Variants in TLN2 observed in about 807,000 individuals in gnomAD.
TLN2 encodes the protein talin 2, also known as talin-2.
A neutral mutation model predicts 294.7 loss-of-function variants in TLN2; 118 were observed. The ratio of observed to expected loss-of-function variants is 0.40; its 90% confidence interval spans 0.34 to 0.47. The LOEUF (loss-of-function observed/expected upper bound fraction) is 0.47, where lower values mean the gene tolerates loss of function less well. TLN2 is among the 20% of genes least tolerant of loss of function. The pLI, the probability that TLN2 is intolerant of heterozygous loss-of-function variation, is 0.84. For missense variants in TLN2, 3,083 were observed against 3,282.2 expected (o/e 0.94, Z 1.48); for synonymous variants, 1,431 against 1,304.5 (o/e 1.10, Z -2.09).
At chr15:62,566,202 G>A (rs985802142) in intron 1 of TLN2, among the ~76,000 whole-genome samples, 3 of 152,064 alleles carry the variant, frequency 2.0e-5, no homozygotes, top group African/African-American at 4.8e-5. Flanking sequence ...CTTGGGGTGC[G>A]GGCAAGAGAG....
chr15:62,518,636 C>T (rs1336613841), intron 1 of TLN2, among the ~76,000 whole-genome samples: 2 of 152,022 alleles, frequency 1.3e-5, no homozygotes, highest in Non-Finnish European at 2.9e-5. Flanking sequence ...TTTGCTCTGT[C>T]ACCCAGGCTG....
rs2064406068 is a variant in TLN2, at chr15:62,783,856, G to A, written c.5702G>A (p.Gly1901Asp). Residue 1901 changes from glycine (G) to aspartate (D), a missense_variant, in exon 45 of 59, where the codon GGC becomes GAC. Gly to Asp is a moderately conservative substitution (Grantham distance 94, BLOSUM62 -1). Coordinates refer to ENST00000636159, the MANE Select transcript of TLN2 (RefSeq NM_015059.3). ...TSDYGHLAFQ[G>D]QMAAATAEPE... ...GACTATGGGCACCTGGCTTTCCAGGGCCAGATGGCAGCAGCCACGGCGGAA... is the reference window on the plus strand; with the variant it reads ...GACTATGGGCACCTGGCTTTCCAGGACCAGATGGCAGCAGCCACGGCGGAA... 1 of 1,614,022 alleles carries A rather than the reference G, an allele frequency of 6.2e-7. No homozygotes were observed. Among genetic ancestry groups the A allele is most frequent in the Non-Finnish European group, 8.5e-7 (1 of 1,179,946 alleles).
intron 1 of TLN2, among the ~76,000 whole-genome samples, chr15:62,566,178 A>C (rs1442394064): frequency 1.3e-5 from 2 of 151,982 alleles, no homozygotes; most frequent in Non-Finnish European, 2.9e-5. Context: ...GAACAGGATA[A>C]CTCCTGTTGG....
At chr15:62,831,970 A>G (rs1413028932) in intron 54 of TLN2, 1 of 152,130 alleles carries the variant, frequency 6.6e-6, no homozygotes, top group Non-Finnish European at 1.5e-5. Flanking sequence ...AAAGTGCCTC[A>G]TTTTGGAGTC....
At chr15:62,651,329 C>G (rs551969893) in intron 5 of TLN2, among the ~76,000 whole-genome samples, 1 of 152,230 alleles carries the variant, frequency 6.6e-6, no homozygotes, top group South Asian at 2.1e-4. Flanking sequence ...TTTAAGAAAT[C>G]TTTATGAAAG....
chr15:62,723,502 ACTGTC>A, intron 26 of TLN2, among the ~76,000 whole-genome samples: 1 of 149,488 alleles, frequency 6.7e-6, no homozygotes, highest in South Asian at 2.1e-4. Context: ...CTCAAGCAAG[ACTGTC>A]CATTGGGTAC....
At chr15:62,744,412 T>A (rs1042581265) in intron 32 of TLN2, among the ~76,000 whole-genome samples, 1 of 149,118 alleles carries the variant, frequency 6.7e-6, no homozygotes, top group East Asian at 1.9e-4. Flanking sequence ...TAATTTTTTT[T>A]TTTTTTTTTT....
intron 1 of TLN2, among the ~76,000 whole-genome samples, chr15:62,403,121 C>T (rs1412866390): frequency 6.6e-6 from 1 of 151,862 alleles, no homozygotes; most frequent in Admixed American, 6.6e-5. Flanking sequence ...GCCTGTAGTC[C>T]CAGCTACTCG....
At chr15:62,691,113 GCTT>G (rs1221839254) in intron 12 of TLN2, among the ~76,000 whole-genome samples, 6 of 151,920 alleles carry the variant, frequency 3.9e-5, no homozygotes, top group Non-Finnish European at 7.4e-5. Context: ...AGTTCACTCA[GCTT>G]CTTGAATTTG....
At chr15:62,836,515 CCT>C (rs2069619724) in intron 57 of TLN2, among the ~76,000 whole-genome samples, 3 of 152,204 alleles carry the variant, frequency 2.0e-5, no homozygotes, top group Admixed American at 6.5e-5. Context: ...TTCATCTGTG[CCT>C]CTCTCATACG....
At chr15:62,647,162 A>G (rs2051972248) in intron 3 of TLN2, 113 bp from the exon 4 acceptor site, 1 of 1,034,938 alleles carries the variant, frequency 9.7e-7, no homozygotes, top group East Asian at 2.5e-5. Flanking sequence ...TTGCTGTTTT[A>G]TTCTCTTTCC....
Position 62,841,872 on chromosome 15 carries a change from G to A in TLN2, c.*1262G>A, listed in dbSNP as rs193000853. The A allele has an allele frequency of 3.3e-5, 5 of 152,100 alleles. No homozygotes were observed. The highest frequency in any genetic ancestry group is 7.4e-5 in the Non-Finnish European group (5 of 67,964). The allele number at this position is 152,100 out of a possible 1,614,324, so 9.4% of individuals were successfully genotyped here. A position where few individuals can be genotyped will look rare whatever the true frequency, so the allele number is the denominator to read the frequency against. On this transcript the variant is annotated 3_prime_UTR_variant, in exon 59 of 59. Transcript: ENST00000636159. ...GGACAGAATCTAATGCCAGGGAGCA[G>A]GAGTGTTTGAAAGAATTCATAGTGG...
chr15:62,635,432 A>C (rs1450108905), intron 3 of TLN2, among the ~76,000 whole-genome samples: 1 of 152,224 alleles, frequency 6.6e-6, no homozygotes, highest in Admixed American at 6.5e-5. Context: ...AAAACAATGT[A>C]AAGAGTTTAC....
chr15:62,492,386 G>A (rs1038808676), intron 1 of TLN2, among the ~76,000 whole-genome samples: 12 of 151,778 alleles, frequency 7.9e-5, no homozygotes, highest in Non-Finnish European at 1.3e-4. Flanking sequence ...GTGAAACCCC[G>A]TCTCTAATAA....
intron 1 of TLN2, among the ~76,000 whole-genome samples, chr15:62,512,054 ACTT>A (rs2039964389): frequency 6.6e-6 from 1 of 152,078 alleles, no homozygotes; most frequent in Non-Finnish European, 1.5e-5. Flanking sequence ...TCCAGCACTT[ACTT>A]CTTCAGTCAC....
intron 2 of TLN2, among the ~76,000 whole-genome samples, chr15:62,614,630 A>G (rs570748300): frequency 1.6e-4 from 24 of 152,210 alleles, no homozygotes; most frequent in Non-Finnish European, 3.2e-4. Context: ...ATAGACTTAT[A>G]ATTAGTGCTA....
At chr15:62,487,775 C>T (rs1022562869) in intron 1 of TLN2, among the ~76,000 whole-genome samples, 1 of 151,792 alleles carries the variant, frequency 6.6e-6, no homozygotes, top group Non-Finnish European at 1.5e-5. Flanking sequence ...TGGTGGCAGG[C>T]GCCTGTAGTC....
At chr15:62,562,875 T>G (rs140206041) in intron 1 of TLN2, among the ~76,000 whole-genome samples, 5,276 of 149,098 alleles carry the variant, frequency 0.035, 134 homozygotes, top group African/African-American at 0.064. Flanking sequence ...TGCCATTCAT[T>G]CATTCCTTTT....
Position 62,789,914 on chromosome 15 carries a change from T to C in TLN2, c.5737-2727T>C, listed in dbSNP as rs563789412. On this transcript the variant is annotated intron_variant, in intron 45 of 58. Transcript: ENST00000636159. Reference sequence around the variant, plus strand: ...CCTTGCTGTCAACCTTTCACTCATGTGGGTGGCAGAAAGGAGCTTTTGAGT... The same window carrying C: ...CCTTGCTGTCAACCTTTCACTCATGCGGGTGGCAGAAAGGAGCTTTTGAGT... 1.2e-4 allele frequency among the ~76,000 whole-genome samples: 18 copies of C among 152,346 alleles called. No individual in the cohort carries two copies. The South Asian group carries it at 3.7e-3, about 32-fold the overall frequency.
Sources: allele counts gnomAD v4.1 joint callset (sites outside exome capture counted in the v4.1 genomes callset), GRCh38; gene constraint gnomAD v4.1.1; transcripts MANE v1.5; gene names NCBI Gene and HGNC (gene_info 2026-07-23, HGNC 2026-07-21).